PKD1L1: variants seen among roughly 807,000 people sequenced by gnomAD.
PKD1L1 encodes polycystin 1 like 1, transient receptor potential channel interacting.
PKD1L1 carries 236 observed loss-of-function variants against 323.4 expected under a neutral mutation model. The observed-to-expected ratio is 0.73, with a 90% CI of 0.66 to 0.81. The LOEUF (loss-of-function observed/expected upper bound fraction) is 0.81. Ranked by LOEUF, PKD1L1 falls within the 40% of genes least tolerant of loss-of-function variation. PKD1L1 has a pLI of 0.00. For synonymous variants in PKD1L1, 1,344 were observed against 1,335.0 expected (o/e 1.01, Z -0.15); for missense variants, 3,320 against 3,508.0 (o/e 0.95, Z 1.35).
At chr7:47,870,811 C>A (rs1786265534) in intron 24 of PKD1L1, among the ~76,000 whole-genome samples, 2 of 151,852 alleles carry the variant, frequency 1.3e-5, no homozygotes, top group East Asian at 1.9e-4. Context: ...CCAGCCTGGG[C>A]AACATGATGA....
upstream of PKD1L1, among the ~76,000 whole-genome samples, chr7:47,949,703 T>A (rs151251021): frequency 1.3e-5 from 2 of 152,310 alleles, no homozygotes; most frequent in East Asian, 3.9e-4. Context: ...CACTAGATAT[T>A]TTTTCTCTCC....
intron 4 of PKD1L1, among the ~76,000 whole-genome samples, chr7:47,933,972 G>A (rs1486594529): frequency 2.0e-5 from 3 of 152,208 alleles, no homozygotes; most frequent in Non-Finnish European, 2.9e-5. Context: ...CTTCGGTCCA[G>A]ACTGGGACTC....
rs2128755367 is a variant in PKD1L1 at position 47,929,416 on chromosome 7, G to A, written c.848C>T (p.Ala283Val). 1 of 1,614,156 alleles carries A rather than the reference G, an allele frequency of 6.2e-7. No homozygotes were observed. The highest frequency in any genetic ancestry group is 8.5e-7 in the Non-Finnish European group (1 of 1,180,010). Residue 283 changes from alanine to valine, a missense_variant, in exon 7 of 57, where the codon GCT (alanine) becomes GTT (valine). By Grantham distance (64) the Ala-to-Val change is moderately conservative. Transcript: ENST00000289672. ...PTQHPPVAIL[A>V]RNSDNFMNPV... is the part of the protein sequence containing the mutation. ...GTTCATGAAGTTATCAGAATTTCGAGCTAGGATGGCCACAGGAGGATGCTG... is the reference window on the plus strand; with the variant it reads ...GTTCATGAAGTTATCAGAATTTCGAACTAGGATGGCCACAGGAGGATGCTG...
At position 47,946,389 on chromosome 7, in the gene PKD1L1, TCACACCACACAAA is replaced by T. The variant is rs1350526592; in HGVS notation, c.44+1995_44+2007del. 3.0e-5 allele frequency among the ~76,000 whole-genome samples: 4 copies of T among 134,006 alleles called. No individual in the cohort carries two copies. In the East Asian group the frequency reaches 6.7e-4, roughly 22 times the overall value. 87.9% of individuals were successfully genotyped at this position (134,006 alleles called of 152,430 possible). On this transcript the variant is annotated intron_variant, in intron 1 of 56. Transcript: ENST00000289672. This position sits in a 1 kb window ranked among gnomAD's most constrained non-coding sequence, Gnocchi z 4.1. Reference sequence around the variant, plus strand: ...ACCACACACTCACACCACACCACACTCACACCACACAAACACACCACACAGCATCACACACAAT... The same window carrying T: ...ACCACACACTCACACCACACCACACTCACACCACACAGCATCACACACAAT...
intron 33 of PKD1L1, among the ~76,000 whole-genome samples, chr7:47,844,285 T>C (rs1785620034): frequency 6.6e-6 from 1 of 152,180 alleles, no homozygotes; most frequent in Non-Finnish European, 1.5e-5. Flanking sequence ...TATAAAGTAA[T>C]ACGATTGATG....
Position 47,834,976 on chromosome 7 carries a change from C to A in PKD1L1, c.6118G>T (p.Ala2040Ser). The change falls in exon 39 of 57, where the codon GCA becomes TCA. Residue 2040 changes from alanine (A) to serine (S), a missense_variant. Physicochemically the swap from Ala to Ser is moderately conservative, Grantham distance 99 (BLOSUM62 1). Coordinates refer to ENST00000289672, the MANE Select transcript of PKD1L1 (RefSeq NM_138295.5). ...TTTAATGTACATTTACCATGGGGTG[C>A]CTCGGTCTGTGCTCCTCCTCTAAGT... The part of the protein sequence containing the change: ...SPLRGGAQTE[A>S]PHGPNSWGRI... 1 of 1,613,492 alleles carries A rather than the reference C, an allele frequency of 6.2e-7. No individual in the cohort carries two copies. The highest frequency in any genetic ancestry group is 8.5e-7 in the Non-Finnish European group (1 of 1,179,536).
chr7:47,808,389 T>C lies in PKD1L1; in HGVS notation c.7687-2A>G, dbSNP rs199776435. 44 of 1,613,744 alleles carry C rather than the reference T, an allele frequency of 2.7e-5. No homozygotes were observed. Among genetic ancestry groups the C allele is most frequent in the Non-Finnish European group, 1.9e-5 (22 of 1,179,980 alleles). ...GAGGCTCACTCCAACCACGGAGAGC[T>C]GGAACATCCAAGAGAAAGGCCCTCA... On this transcript the variant is annotated splice_acceptor_variant, in intron 51 of 56. Transcript: ENST00000289672. LOFTEE classifies it high-confidence loss of function.
At chr7:47,910,191 C>T (rs572519139) in intron 8 of PKD1L1, among the ~76,000 whole-genome samples, 3 of 152,218 alleles carry the variant, frequency 2.0e-5, no homozygotes, top group East Asian at 3.9e-4. Flanking sequence ...GAGTGTGCTA[C>T]GTGTTGTTTC....
chr7:47,873,895 T>C lies in PKD1L1; in HGVS notation c.3896+4A>G, dbSNP rs1562967615. 2 of 1,608,978 alleles carry C rather than the reference T, an allele frequency of 1.2e-6. No individual in the cohort carries two copies. Among genetic ancestry groups the C allele is most frequent in the African/African-American group, 1.3e-5 (1 of 74,798 alleles). The stretch of plus-strand genomic sequence containing the variant: ...GGATGTCTGTGTGGCATTGTGTTAC[T>C]CACAGGTCCTCGCCCAGACAGTCAT... On this transcript the variant is annotated splice_donor_region_variant and intron_variant, in intron 24 of 56. Transcript: ENST00000289672.
In PKD1L1 at chr7:47,813,993, A is replaced by G. The variant is rs1784961451; in HGVS notation, c.7111T>C (p.Cys2371Arg). 1 of 1,613,910 alleles carries G rather than the reference A, an allele frequency of 6.2e-7. No individual in the cohort carries two copies. Among genetic ancestry groups the G allele is most frequent in the Non-Finnish European group, 8.5e-7 (1 of 1,180,018 alleles). Residue 2371 changes from cysteine (C) to arginine (R), a missense_variant, in exon 48 of 57, where the codon TGC (cysteine) becomes CGC (arginine). Coordinates refer to ENST00000289672, the MANE Select transcript of PKD1L1 (RefSeq NM_138295.5). ...ATTACGGAACTGCCTATTAGGTAGCATTTTCCTCCAAGAGCTCCAGGCTGA... is the reference window on the plus strand; with the variant it reads ...ATTACGGAACTGCCTATTAGGTAGCGTTTTCCTCCAAGAGCTCCAGGCTGA... ...GAQPGALGGK[C>R]YLIGSSVIRQ...
chr7:47,873,171 G>T (rs1786319913), intron 24 of PKD1L1, among the ~76,000 whole-genome samples: 1 of 152,086 alleles, frequency 6.6e-6, no homozygotes, highest in Non-Finnish European at 1.5e-5. Context: ...AGGAAGCTGG[G>T]TGGTGGGTAA....
At chr7:47,882,666 G>A (rs1012349239) in intron 19 of PKD1L1, among the ~76,000 whole-genome samples, 1 of 119,316 alleles carries the variant, frequency 8.4e-6, no homozygotes, top group Non-Finnish European at 1.6e-5. Flanking sequence ...GGAATGATCT[G>A]CCCTAGTGGT....
In PKD1L1 at chr7:47,842,234, GGTGA is replaced by G. The variant is rs545622818; in HGVS notation, c.5445+724_5445+727del. On this transcript the variant is annotated intron_variant, in intron 34 of 56. Transcript: ENST00000289672. ...TACAGTTGGTAGACGAAGGGCTTAT[GGTGA>G]GTAAGGACCACATAAGCTTTAAAAA... Among the ~76,000 whole-genome samples, 254 of 152,286 alleles carry G rather than the reference GGTGA, an allele frequency of 1.7e-3. 1 individual carries two copies. The highest frequency in any genetic ancestry group is 5.8e-3 in the African/African-American group (240 of 41,576).
At chr7:47,804,454 T>C (rs971389927) in intron 52 of PKD1L1, among the ~76,000 whole-genome samples, 1 of 149,604 alleles carries the variant, frequency 6.7e-6, no homozygotes, top group African/African-American at 2.4e-5. Flanking sequence ...ATTATTGAGA[T>C]ATTTTACATT....
At chr7:47,878,445 T>C (rs776348114) in intron 21 of PKD1L1, among the ~76,000 whole-genome samples, 20 of 152,216 alleles carry the variant, frequency 1.3e-4, no homozygotes, top group Non-Finnish European at 2.5e-4. Flanking sequence ...AAAATCTTGA[T>C]GATCATCATC....
intron 50 of PKD1L1, among the ~76,000 whole-genome samples, chr7:47,811,587 T>C (rs911880052): frequency 6.6e-6 from 1 of 152,238 alleles, no homozygotes; most frequent in Admixed American, 6.5e-5. Context: ...AGCTCTATAT[T>C]TGCCCTTGCC....
intron 46 of PKD1L1, among the ~76,000 whole-genome samples, chr7:47,816,151 G>A (rs1252803642): frequency 1.3e-5 from 2 of 152,336 alleles, no homozygotes; most frequent in South Asian, 2.1e-4. Context: ...ACTGACTGCC[G>A]ACTGGGCGCA....
chr7:47,856,952 A>G (rs1435403475), intron 28 of PKD1L1, among the ~76,000 whole-genome samples: 1 of 152,084 alleles, frequency 6.6e-6, no homozygotes, highest in Non-Finnish European at 1.5e-5. Context: ...TTCCAAACTC[A>G]CTCATGGTGA....
At chr7:47,807,611 C>A (rs1428373892) in intron 52 of PKD1L1, among the ~76,000 whole-genome samples, 2 of 152,172 alleles carry the variant, frequency 1.3e-5, no homozygotes, top group Non-Finnish European at 2.9e-5. Flanking sequence ...TCCACCACCA[C>A]AGGAAGGCAG....
Sources: allele counts gnomAD v4.1 joint callset (sites outside exome capture counted in the v4.1 genomes callset), GRCh38; gene constraint gnomAD v4.1.1; non-coding constraint Gnocchi (gnomAD v3.1); transcripts MANE v1.5; gene names NCBI Gene and HGNC (gene_info 2026-07-23, HGNC 2026-07-21).